Variants in PATJ observed in about 807,000 individuals in gnomAD.
PATJ encodes the protein PATJ crumbs cell polarity complex component, also known as inaD-like protein.
In PATJ, 190 loss-of-function variants were observed where a neutral mutation model predicts 224.9. That is an observed-to-expected ratio of 0.84 (90% confidence interval 0.75 to 0.95). PATJ has a LOEUF of 0.95. Ranked by LOEUF, PATJ falls within the 40% of genes least tolerant of loss-of-function variation. The probability of loss-of-function intolerance (pLI) is 0.00; values close to 1 mark genes in which losing one functional copy is unlikely to be tolerated. For synonymous variants in PATJ, 769 were observed against 820.3 expected (o/e 0.94, Z 1.07); for missense variants, 2,121 against 2,270.3 (o/e 0.93, Z 1.34).
chr1:61,874,847 A>G (rs1295750737), intron 20 of PATJ, among the ~76,000 whole-genome samples: 3 of 152,186 alleles, frequency 2.0e-5, no homozygotes, highest in East Asian at 1.9e-4. Context: ...AATTTATCAC[A>G]TATTTTGGAG....
At chr1:61,753,303 T>C (rs781485058) in intron 1 of PATJ, among the ~76,000 whole-genome samples, 1 of 152,154 alleles carries the variant, frequency 6.6e-6, no homozygotes, top group Admixed American at 6.6e-5. Context: ...TGTGGTCTAA[T>C]TGTGACCTTC....
At chr1:62,096,806 G>A (rs987331874) in intron 33 of PATJ, among the ~76,000 whole-genome samples, 25 of 152,058 alleles carry the variant, frequency 1.6e-4, no homozygotes, top group African/African-American at 5.6e-4. Context: ...TAGTACAGAC[G>A]AGGTTTCACC....
chr1:62,053,793 A>C (rs1267485478), intron 31 of PATJ, among the ~76,000 whole-genome samples: 2 of 152,214 alleles, frequency 1.3e-5, no homozygotes, highest in Non-Finnish European at 2.9e-5. Flanking sequence ...GAATGACGGT[A>C]ATTAGGATGC....
intron 7 of PATJ, among the ~76,000 whole-genome samples, chr1:61,776,472 A>C (rs1418515994): frequency 6.6e-6 from 1 of 152,226 alleles, no homozygotes; most frequent in Admixed American, 6.5e-5. Context: ...AAAGAAAAAA[A>C]ATGCCGTTTT....
chr1:62,050,451 C>CCA (rs2148584875), intron 30 of PATJ, among the ~76,000 whole-genome samples: 1 of 152,342 alleles, frequency 6.6e-6, no homozygotes, highest in Non-Finnish European at 1.5e-5. Context: ...GCTTTGTAAC[C>CCA]CACAGGGTCA....
intron 31 of PATJ, among the ~76,000 whole-genome samples, chr1:62,061,056 A>T (rs757091288): frequency 2.6e-5 from 4 of 151,954 alleles, no homozygotes; most frequent in Non-Finnish European, 5.9e-5. Context: ...ATATTGTGTG[A>T]TGCTGAGGTT....
intron 31 of PATJ, among the ~76,000 whole-genome samples, chr1:62,065,092 G>A (rs575322807): frequency 6.3e-4 from 96 of 152,220 alleles, no homozygotes; most frequent in Non-Finnish European, 1.0e-3. Flanking sequence ...TGAGATTTGC[G>A]TACATGATAA....
intron 31 of PATJ, among the ~76,000 whole-genome samples, chr1:62,071,762 C>T (rs898115667): frequency 8.5e-5 from 13 of 152,202 alleles, no homozygotes; most frequent in Non-Finnish European, 1.6e-4. Context: ...GCTGGGATTA[C>T]AGGCGTGAAC....
intron 10 of PATJ, among the ~76,000 whole-genome samples, chr1:61,796,744 T>C (rs868276129): frequency 1.2e-3 from 147 of 119,040 alleles, no homozygotes; most frequent in Non-Finnish European, 2.0e-3. Flanking sequence ...TTCTTTCTTT[T>C]TTTTCTTCCT....
intron 41 of PATJ, among the ~76,000 whole-genome samples, chr1:62,133,336 T>G (rs1666458772): frequency 6.6e-6 from 1 of 152,002 alleles, no homozygotes. Flanking sequence ...AATCCCAGCA[T>G]TTTGGGAGGC....
chr1:62,016,891 C>G (rs1646799004), intron 28 of PATJ, among the ~76,000 whole-genome samples: 1 of 152,106 alleles, frequency 6.6e-6, no homozygotes, highest in Non-Finnish European at 1.5e-5. Context: ...CCAGTGAATA[C>G]CACAATTTGG....
chr1:61,867,184 C>T (rs1223418796), intron 20 of PATJ, among the ~76,000 whole-genome samples: 1 of 152,174 alleles, frequency 6.6e-6, no homozygotes, highest in Non-Finnish European at 1.5e-5. Context: ...CCTCATTTTA[C>T]CCAGCGCTAT....
chr1:61,841,708 A>G (rs996038048), intron 17 of PATJ, among the ~76,000 whole-genome samples: 2 of 151,810 alleles, frequency 1.3e-5, no homozygotes, highest in Non-Finnish European at 2.9e-5. Context: ...AGTCTTGCAG[A>G]TATATCATAT....
At chr1:62,147,065 G>A (rs1668111553) in intron 41 of PATJ, among the ~76,000 whole-genome samples, 1 of 152,116 alleles carries the variant, frequency 6.6e-6, no homozygotes, top group Admixed American at 6.5e-5. Flanking sequence ...GACATCCAGT[G>A]GGTGACTGGA....
intron 28 of PATJ, among the ~76,000 whole-genome samples, chr1:62,003,626 G>A (rs987348502): frequency 2.6e-5 from 4 of 152,194 alleles, no homozygotes; most frequent in African/African-American, 9.7e-5. Flanking sequence ...GTGGCTGCTT[G>A]TTGTACACTA....
intron 33 of PATJ, among the ~76,000 whole-genome samples, chr1:62,101,942 A>C (rs561141998): frequency 9.9e-4 from 151 of 152,286 alleles, no homozygotes; most frequent in Admixed American, 1.9e-3. Context: ...ACTTTAGTAG[A>C]CTGAGACAGA....
At chr1:61,956,471 C>G (rs1270888941) in intron 27 of PATJ, among the ~76,000 whole-genome samples, 2 of 152,076 alleles carry the variant, frequency 1.3e-5, no homozygotes, top group Non-Finnish European at 2.9e-5. Flanking sequence ...GGTACAAGAG[C>G]AGGCTGGGAA....
chr1:62,121,713 G>T (rs183622017), intron 38 of PATJ, among the ~76,000 whole-genome samples: 1 of 151,946 alleles, frequency 6.6e-6, no homozygotes, highest in African/African-American at 2.4e-5. Context: ...GGTGGAGGTT[G>T]CAGTGAGCCA....
intron 31 of PATJ, among the ~76,000 whole-genome samples, chr1:62,059,309 T>C (rs1655031650): frequency 6.6e-6 from 1 of 152,024 alleles, no homozygotes; most frequent in South Asian, 2.1e-4. Flanking sequence ...TTTGAAAAGA[T>C]CCTTCTGGGT....
Sources: allele counts gnomAD v4.1 joint callset (sites outside exome capture counted in the v4.1 genomes callset), GRCh38; gene constraint gnomAD v4.1.1; transcripts MANE v1.5; gene names NCBI Gene and HGNC (gene_info 2026-07-23, HGNC 2026-07-21).